Variants in TMEM117 observed in about 807,000 individuals in gnomAD.
TMEM117 encodes the protein transmembrane protein 117.
A neutral mutation model predicts 52.4 loss-of-function variants in TMEM117; 27 were observed. The observed-to-expected ratio is 0.51, with a 90% CI of 0.38 to 0.71. The LOEUF (loss-of-function observed/expected upper bound fraction) is 0.71, where lower values mean the gene tolerates loss of function less well. Among genes scored for constraint, TMEM117 ranks in the 30% least tolerant of loss-of-function variants. TMEM117 has a pLI of 0.00. For missense variants in TMEM117, 556 were observed against 630.5 expected (o/e 0.88, Z 1.26); for synonymous variants, 215 against 206.3 (o/e 1.04, Z -0.36).
At chr12:44,083,706 A>G (rs1947522366) in intron 3 of TMEM117, 2 of 151,988 alleles carry the variant, frequency 1.3e-5, no homozygotes, top group South Asian at 2.1e-4. Flanking sequence ...ACCTGGCCAG[A>G]TTTCATAATT....
At chr12:44,256,951 C>A (rs1046419640) in intron 5 of TMEM117, among the ~76,000 whole-genome samples, 1 of 151,378 alleles carries the variant, frequency 6.6e-6, no homozygotes, top group Non-Finnish European at 1.5e-5. Flanking sequence ...ACTGCCTTCT[C>A]TTTTCCTGGT....
chr12:44,377,207 G>A lies in TMEM117; in HGVS notation c.898+483G>A, dbSNP rs1951954100. ...ATCTTTGCTGTGGAGAGTCATTTCT[G>A]CCATACTCCATATGCCACTCTACCT... On this transcript the variant is annotated intron_variant, in intron 7 of 7. Transcript: ENST00000266534. Among the ~76,000 whole-genome samples, 3 of 152,228 alleles carry A rather than the reference G, an allele frequency of 2.0e-5. No individual in the cohort carries two copies. In the South Asian group the frequency reaches 6.2e-4, roughly 32 times the overall value.
At chr12:44,095,324 C>A (rs948348357) in intron 3 of TMEM117, among the ~76,000 whole-genome samples, 1 of 151,836 alleles carries the variant, frequency 6.6e-6, no homozygotes, top group Non-Finnish European at 1.5e-5. Flanking sequence ...CAAAACAGAC[C>A]ATTTTTTGGC....
intron 3 of TMEM117, among the ~76,000 whole-genome samples, chr12:43,976,034 G>A (rs1292990144): frequency 6.6e-6 from 1 of 152,160 alleles, no homozygotes. Context: ...GTATCCATAG[G>A]ATGGTGTGAT....
intron 5 of TMEM117, among the ~76,000 whole-genome samples, chr12:44,275,767 A>T (rs558173754): frequency 3.3e-5 from 5 of 151,860 alleles, no homozygotes; most frequent in Non-Finnish European, 7.4e-5. Flanking sequence ...ACTCATGGAC[A>T]TAGAGAGTAG....
At chr12:44,105,497 G>T (rs1042838855) in intron 3 of TMEM117, among the ~76,000 whole-genome samples, 7 of 149,746 alleles carry the variant, frequency 4.7e-5, no homozygotes, top group Non-Finnish European at 1.0e-4. Flanking sequence ...TTCAAAGTGT[G>T]TTTTTTTTTG....
chr12:43,895,173 G>A (rs1056019189), intron 2 of TMEM117, among the ~76,000 whole-genome samples: 2 of 152,092 alleles, frequency 1.3e-5, no homozygotes, highest in African/African-American at 4.8e-5. Flanking sequence ...AGACCTTAGT[G>A]TGGTGGGCTG....
intron 3 of TMEM117, among the ~76,000 whole-genome samples, chr12:43,972,990 A>G (rs969104013): frequency 3.9e-5 from 6 of 152,308 alleles, no homozygotes; most frequent in Admixed American, 2.0e-4. Flanking sequence ...CTTTTAAAGT[A>G]TATTTCCTAC....
At chr12:44,179,567 T>C (rs1235512202) in intron 4 of TMEM117, among the ~76,000 whole-genome samples, 2 of 152,190 alleles carry the variant, frequency 1.3e-5, no homozygotes, top group African/African-American at 4.8e-5. Flanking sequence ...GCAAGCTGCT[T>C]ATCTCCCTTC....
intron 3 of TMEM117, among the ~76,000 whole-genome samples, chr12:44,016,391 G>A (rs1294656184): frequency 1.3e-5 from 2 of 152,154 alleles, no homozygotes; most frequent in Non-Finnish European, 2.9e-5. Flanking sequence ...AGGTGGAAAC[G>A]GGACCATCCC....
chr12:44,275,953 AT>A (rs1950506657), intron 5 of TMEM117, among the ~76,000 whole-genome samples: 2 of 152,168 alleles, frequency 1.3e-5, no homozygotes, highest in African/African-American at 4.8e-5. Flanking sequence ...GTATAATTGC[AT>A]TGTTCGTAAG....
Position 44,175,888 on chromosome 12 carries a change from G to A in TMEM117, c.510+32264G>A, listed in dbSNP as rs547508208. ...TTGGTTTAATTGAAATGAATGAATG[G>A]TTTTTGTTGATATGTAGGAAGTCAG... On this transcript the variant is annotated intron_variant, in intron 4 of 7. Transcript: ENST00000266534. Among the ~76,000 whole-genome samples, 14 of 152,248 alleles carry A rather than the reference G, an allele frequency of 9.2e-5. 1 individual carries two copies. The highest frequency in any genetic ancestry group is 8.5e-4 in the Admixed American group (13 of 15,288).
At chr12:44,017,281 G>A (rs1228115695) in intron 3 of TMEM117, among the ~76,000 whole-genome samples, 1 of 130,322 alleles carries the variant, frequency 7.7e-6, no homozygotes, top group African/African-American at 3.4e-5. Context: ...GAAAGTAAAG[G>A]TTGGCATCAC....
intron 3 of TMEM117, among the ~76,000 whole-genome samples, chr12:44,061,590 C>T (rs543941966): frequency 6.6e-6 from 1 of 152,158 alleles, no homozygotes; most frequent in African/African-American, 2.4e-5. Context: ...CCTGTTATCC[C>T]CACACATTTC....
chr12:43,880,236 C>T lies in TMEM117; in HGVS notation c.277+35308C>T, dbSNP rs560456324. Among the ~76,000 whole-genome samples, 6 of 152,234 alleles carry T rather than the reference C, an allele frequency of 3.9e-5. No individual in the cohort carries two copies. The South Asian group carries it at 1.2e-3, about 32-fold the overall frequency. Reference sequence around the variant, plus strand: ...TATAAATTTACCCACTATCGTAAGGCATTGTTTTCTTTATCAGGGTGGCTT... The same window carrying T: ...TATAAATTTACCCACTATCGTAAGGTATTGTTTTCTTTATCAGGGTGGCTT... On this transcript the variant is annotated intron_variant, in intron 2 of 7. Transcript: ENST00000266534.
chr12:43,909,563 G>A (rs949299766), intron 2 of TMEM117, among the ~76,000 whole-genome samples: 1 of 148,218 alleles, frequency 6.7e-6, no homozygotes, highest in Non-Finnish European at 1.5e-5. Flanking sequence ...CCAGGAGCTG[G>A]TTTTTTGAAA....
chr12:44,363,742 A>C (rs1951753973), intron 6 of TMEM117, among the ~76,000 whole-genome samples: 1 of 152,210 alleles, frequency 6.6e-6, no homozygotes, highest in South Asian at 2.1e-4. Context: ...AGAGCTCTCC[A>C]TTTCAGGCTA....
chr12:43,810,737 G>A, the TMEM117 span, among the ~76,000 whole-genome samples: 4 of 152,160 alleles, frequency 2.6e-5, no homozygotes, highest in African/African-American at 4.8e-5. Context: ...ACTACTCTTT[G>A]GAGCTGCCTG....
At chr12:43,918,123 A>G (rs1325923314) in intron 2 of TMEM117, among the ~76,000 whole-genome samples, 1 of 152,208 alleles carries the variant, frequency 6.6e-6, no homozygotes, top group Non-Finnish European at 1.5e-5. Flanking sequence ...TGACAAAAAT[A>G]TAGCCTACAG....
Sources: allele counts gnomAD v4.1 joint callset (sites outside exome capture counted in the v4.1 genomes callset), GRCh38; gene constraint gnomAD v4.1.1; transcripts MANE v1.5; gene names NCBI Gene and HGNC (gene_info 2026-07-23, HGNC 2026-07-21).